Variants in TSHR observed in about 807,000 individuals in gnomAD.
TSHR encodes thyrotropin receptor.
A neutral mutation model predicts 64.1 loss-of-function variants in TSHR; 51 were observed. That is an observed-to-expected ratio of 0.80 (90% CI 0.64 to 1.01). The LOEUF (loss-of-function observed/expected upper bound fraction) is 1.01, where lower values mean the gene tolerates loss of function less well. Ranked by LOEUF, TSHR falls within the 50% of genes least tolerant of loss-of-function variation. The probability of loss-of-function intolerance (pLI) is 0.00; values close to 1 mark genes in which losing one functional copy is unlikely to be tolerated. For missense variants in TSHR, 877 were observed against 942.8 expected (o/e 0.93, Z 0.91); for synonymous variants, 361 against 361.9 (o/e 1.00, Z 0.03).
intron 1 of TSHR, among the ~76,000 whole-genome samples, chr14:81,025,411 A>G (rs1408657092): frequency 6.6e-6 from 1 of 152,004 alleles, no homozygotes; most frequent in East Asian, 1.9e-4. Context: ...ATAGACTTGA[A>G]CCCTAATTAT....
chr14:81,141,734 C>T (rs1236978434), intron 9 of TSHR, among the ~76,000 whole-genome samples: 2 of 152,058 alleles, frequency 1.3e-5, no homozygotes, highest in African/African-American at 4.8e-5. Context: ...CATGGTGAAA[C>T]CCTGTATCTA....
intron 1 of TSHR, among the ~76,000 whole-genome samples, chr14:81,030,002 G>T (rs1009969617): frequency 1.3e-5 from 2 of 152,240 alleles, no homozygotes; most frequent in African/African-American, 4.8e-5. Flanking sequence ...CTGCACAAAG[G>T]CCTCTTTTGC....
intron 1 of TSHR, among the ~76,000 whole-genome samples, chr14:80,981,250 C>T (rs1364058164): frequency 6.6e-6 from 1 of 152,184 alleles, no homozygotes; most frequent in Admixed American, 6.5e-5. Context: ...GGAGGTGTCT[C>T]AGCCATCCAG....
chr14:81,042,520 T>A (rs1301468190), intron 1 of TSHR, among the ~76,000 whole-genome samples: 4 of 152,080 alleles, frequency 2.6e-5, no homozygotes, highest in African/African-American at 9.7e-5. Context: ...TGATGTTAAG[T>A]GAAATAAGAC....
intron 1 of TSHR, among the ~76,000 whole-genome samples, chr14:80,990,581 T>G (rs1247128927): frequency 6.6e-6 from 1 of 152,250 alleles, no homozygotes; most frequent in Non-Finnish European, 1.5e-5. Context: ...AGATTGTTCC[T>G]ATTTTGGTTT....
chr14:81,108,661 C>A lies in TSHR; in HGVS notation c.692+209C>A, dbSNP rs3783941. 0.65 allele frequency: 1,051,941 copies of A among 1,613,640 alleles called. 345,806 individuals are homozygous for A. Among genetic ancestry groups the A allele is most frequent in the South Asian group, 0.73 (66,677 of 91,068 alleles). On this transcript the variant is annotated intron_variant, in intron 8 of 9. Coordinates refer to ENST00000298171, the MANE Select transcript of TSHR (RefSeq NM_000369.5). ...GTCCTTTGAGACTCAGAAGGCCCCACGCTCCAGTATGCCATCATGATGCCT... is the reference window on the plus strand; with the variant it reads ...GTCCTTTGAGACTCAGAAGGCCCCAAGCTCCAGTATGCCATCATGATGCCT...
intron 3 of TSHR, among the ~76,000 whole-genome samples, chr14:81,072,689 C>T (rs1177425136): frequency 6.6e-6 from 1 of 151,960 alleles, no homozygotes; most frequent in Admixed American, 6.6e-5. Context: ...ATTTTTAATA[C>T]TCGCTGTATG....
intron 1 of TSHR, among the ~76,000 whole-genome samples, chr14:80,959,785 A>G (rs962180588): frequency 1.3e-5 from 2 of 151,662 alleles, no homozygotes; most frequent in Admixed American, 6.6e-5. Flanking sequence ...TAATTGATGG[A>G]CTCTCCTACT....
At chr14:81,030,306 C>A (rs1566771320) in intron 1 of TSHR, among the ~76,000 whole-genome samples, 1 of 152,040 alleles carries the variant, frequency 6.6e-6, no homozygotes, top group Non-Finnish European at 1.5e-5. Flanking sequence ...GAAAAGACCA[C>A]AGAAAACTGA....
At chr14:81,104,744 C>T (rs7150670) in intron 7 of TSHR, 469,996 of 965,438 alleles carry the variant, frequency 0.49, 117,871 homozygotes, top group Non-Finnish European at 0.52. Flanking sequence ...TTGGTCTTCC[C>T]TAACTGTGAA....
At chr14:81,115,381 A>G (rs1189777358) in intron 8 of TSHR, among the ~76,000 whole-genome samples, 1 of 145,942 alleles carries the variant, frequency 6.9e-6, no homozygotes, top group East Asian at 2.2e-4. Context: ...TACATGAAGA[A>G]TGCAGAAGCC....
intron 1 of TSHR, among the ~76,000 whole-genome samples, chr14:81,060,623 G>A (rs957658487): frequency 6.6e-6 from 1 of 151,990 alleles, no homozygotes; most frequent in Non-Finnish European, 1.5e-5. Context: ...TTTAATAGTT[G>A]CAAAAATGAA....
At chr14:80,969,827 C>T (rs7154821) in intron 1 of TSHR, among the ~76,000 whole-genome samples, 24,859 of 152,140 alleles carry the variant, frequency 0.16, 2,325 homozygotes, top group East Asian at 0.44. Context: ...TTGTTCCCAC[C>T]CCCATAGATA....
rs973310225 is a variant in TSHR at position 81,050,565 on chromosome 14, A to G, written c.171-11583A>G. ...TTAAAACACCTAGTTAGTGTTCACT[A>G]TGTTCCTAACATTGTTATAAGTGCT... On this transcript the variant is annotated intron_variant, in intron 1 of 9. Transcript: ENST00000298171. 209 of 152,300 alleles carry G rather than the reference A, an allele frequency of 1.4e-3. 1 individual carries two copies. Among genetic ancestry groups the G allele is most frequent in the African/African-American group, 4.9e-3 (202 of 41,570 alleles). The allele number at this position is 152,300 out of a possible 1,614,324, so 9.4% of individuals were successfully genotyped here.
In TSHR at chr14:81,001,339, G is replaced by C. The variant is rs542951246; in HGVS notation, c.170+45489G>C. 8 of 298,990 alleles carry C rather than the reference G, an allele frequency of 2.7e-5. No homozygotes were observed. The Middle Eastern group carries it at 3.6e-3, about 133-fold the overall frequency. 18.5% of individuals were successfully genotyped at this position (298,990 alleles called of 1,614,324 possible). Reference sequence around the variant, plus strand: ...TTCTCTTCAGGTTTAGGAAAAATTTGTTCCTTTTCAGTAAGGATCATCTTG... The same window carrying C: ...TTCTCTTCAGGTTTAGGAAAAATTTCTTCCTTTTCAGTAAGGATCATCTTG... On this transcript the variant is annotated intron_variant, in intron 1 of 9. Coordinates refer to ENST00000298171, the MANE Select transcript of TSHR (RefSeq NM_000369.5).
intron 8 of TSHR, among the ~76,000 whole-genome samples, chr14:81,126,236 G>T (rs1177120318): frequency 1.3e-5 from 2 of 152,188 alleles, no homozygotes; most frequent in Non-Finnish European, 2.9e-5. Flanking sequence ...GTTGCCTGCT[G>T]GTGGGAGAGG....
intron 1 of TSHR, among the ~76,000 whole-genome samples, chr14:80,979,232 T>C (rs77647068): frequency 0.27 from 41,511 of 152,120 alleles, 6,570 homozygotes; most frequent in South Asian, 0.39. Context: ...CTCATGCATA[T>C]GTGGAGTCTA....
intron 3 of TSHR, among the ~76,000 whole-genome samples, chr14:81,086,636 A>T (rs748859965): frequency 6.6e-6 from 1 of 152,246 alleles, no homozygotes; most frequent in African/African-American, 2.4e-5. Flanking sequence ...TATTTTACAG[A>T]CAGGAAAACT....
At chr14:81,061,339 C>T (rs758529013) in intron 1 of TSHR, among the ~76,000 whole-genome samples, 3 of 151,928 alleles carry the variant, frequency 2.0e-5, no homozygotes, top group Non-Finnish European at 4.4e-5. Flanking sequence ...TTATGTTGTT[C>T]GCACGAATGT....
Sources: gnomAD v4.1 joint callset for allele counts (sites outside exome capture counted in the v4.1 genomes callset) on GRCh38, gnomAD v4.1.1 for gene constraint, MANE v1.5 for transcripts, NCBI Gene and HGNC (gene_info 2026-07-23, HGNC 2026-07-21) for gene names.